PSMD5: variants seen among roughly 807,000 people sequenced by gnomAD.
PSMD5 encodes the protein 26S proteasome non-ATPase regulatory subunit 5.
PSMD5 carries 40 observed loss-of-function variants against 52.1 expected under a neutral mutation model. The ratio of observed to expected loss-of-function variants is 0.77; its 90% CI spans 0.60 to 1.00. PSMD5 has a LOEUF of 1.00. Among genes scored for constraint, PSMD5 ranks in the 50% least tolerant of loss-of-function variants. The probability of loss-of-function intolerance (pLI) is 0.00; values close to 1 mark genes in which losing one functional copy is unlikely to be tolerated. For missense variants in PSMD5, 575 were observed against 605.2 expected (o/e 0.95, Z 0.52); for synonymous variants, 211 against 226.6 (o/e 0.93, Z 0.62).
intron 6 of PSMD5, among the ~76,000 whole-genome samples, chr9:120,825,654 A>G (rs1284789793): frequency 1.3e-5 from 2 of 152,216 alleles, no homozygotes; most frequent in African/African-American, 4.8e-5. Flanking sequence ...ATTTATTCAT[A>G]AATATTTAAT....
At chr9:120,820,728 A>G (rs1041669340) in intron 9 of PSMD5, 111 bp downstream of exon 9, 1 of 1,091,484 alleles carries the variant, frequency 9.2e-7, no homozygotes, top group African/African-American at 1.6e-5. Flanking sequence ...GGTAGAAACT[A>G]TACTATGCAC....
chr9:120,833,533 T>G, intron 1 of PSMD5, 77 bp from the exon 2 acceptor site: 6 of 1,421,764 alleles, frequency 4.2e-6, no homozygotes, highest in Non-Finnish European at 5.8e-6. Flanking sequence ...TAGCTGAAGC[T>G]TGCGTCAGCG....
chr9:120,817,948 A>C lies in PSMD5; in HGVS notation c.1473T>G (p.Tyr491Ter). ...CTGCTGTCGTGGAAACAGGTTTCAC[A>C]TAGTATGGCCCTTCACTCAGGTAAG... is the stretch of plus-strand genomic sequence containing the variant. ...LRTYLSEGPY[Y>*]VKPVSTTAVE... The change falls in exon 10 of 10, where the codon TAT becomes TAG. Residue 491 changes from tyrosine (Y) to a stop codon, truncating the protein, a stop_gained. Coordinates refer to ENST00000210313, the MANE Select transcript of PSMD5 (RefSeq NM_005047.4). LOFTEE classifies it high-confidence loss of function. 6.2e-7 allele frequency: 1 copy of C among 1,614,152 alleles called. No individual in the cohort carries two copies. The highest frequency in any genetic ancestry group is 8.5e-7 in the Non-Finnish European group (1 of 1,179,968).
chr9:120,829,098 C>T lies in PSMD5; in HGVS notation c.671+1G>A, dbSNP rs781704910. 6 of 1,579,328 alleles carry T rather than the reference C, an allele frequency of 3.8e-6. No homozygotes were observed. In the Admixed American group the frequency reaches 1.1e-4, roughly 29 times the overall value. ...TCACTTTAAGAACTCAGTCAACACA[C>T]CTGACCAACACATCCTCACCAGTCA... On this transcript the variant is annotated splice_donor_variant, in intron 5 of 9. Transcript: ENST00000210313. LOFTEE classifies it high-confidence loss of function.
chr9:120,838,619 A>C (rs932270291), intron 1 of PSMD5, among the ~76,000 whole-genome samples: 4 of 152,186 alleles, frequency 2.6e-5, no homozygotes, highest in Admixed American at 6.5e-5. Context: ...CCAGTTCTGA[A>C]TTATTCTGTC....
At chr9:120,835,661 G>T (rs140870148) in intron 1 of PSMD5, among the ~76,000 whole-genome samples, 5,418 of 151,984 alleles carry the variant, frequency 0.036, 347 homozygotes, top group African/African-American at 0.12. Context: ...CCCAGGAGGC[G>T]GCAGTTGCAG....
At chr9:120,831,520 A>C (rs1247480382) in intron 3 of PSMD5, 61 bp from the exon 4 acceptor site, 1 of 1,506,878 alleles carries the variant, frequency 6.6e-7, no homozygotes, top group African/African-American at 1.4e-5. Context: ...CTACTTCATA[A>C]GAGTGATGTA....
Position 120,826,823 on chromosome 9 carries a change from T to C in PSMD5, c.756A>G (p.Gln252=), listed in dbSNP as rs2045125460. ...QYLAQEGVID[Q]ISNIIVGADS... ...CTGCCCCAACAATTATATTAGAAAT[T>C]TGGTCAATTACTCCTTCTTGAGCAA... Residue 252 remains glutamine, a synonymous_variant, in exon 6 of 10, where the codon CAA becomes CAG. Transcript: ENST00000210313. The C allele has an allele frequency of 2.5e-6, 4 of 1,613,700 alleles. No homozygotes were observed. In the South Asian group the frequency reaches 4.4e-5, roughly 18 times the overall value.
At chr9:120,837,812 G>A (rs2045208541) in intron 1 of PSMD5, among the ~76,000 whole-genome samples, 2 of 152,092 alleles carry the variant, frequency 1.3e-5, no homozygotes, top group South Asian at 4.1e-4. Context: ...AATGCTCACG[G>A]CACTGTCATT....
chr9:120,832,393 C>CTTT (rs35785525), intron 2 of PSMD5, among the ~76,000 whole-genome samples: 81 of 126,898 alleles, frequency 6.4e-4, no homozygotes, highest in Non-Finnish European at 8.5e-4. Context: ...TTCCCCCAAC[C>CTTT]TTTTTTTTTT....
At chr9:120,831,972 C>A (rs766875502) in intron 2 of PSMD5, 27 bp from the exon 3 acceptor site, 2 of 1,605,756 alleles carry the variant, frequency 1.2e-6, no homozygotes, top group Admixed American at 1.7e-5. Context: ...CAGAAACACT[C>A]TTCTAAAGTA....
Position 120,842,858 on chromosome 9 carries a change from G to GCGCTTCCAGCCT in PSMD5, c.40_51dup (p.Arg14_Ala17dup). 9 of 1,605,158 alleles carry GCGCTTCCAGCCT rather than the reference G, an allele frequency of 5.6e-6. No homozygotes were observed. Among genetic ancestry groups the GCGCTTCCAGCCT allele is most frequent in the Non-Finnish European group, 7.6e-6 (9 of 1,178,436 alleles). On this transcript the variant is annotated inframe_insertion, in exon 1 of 10. Coordinates refer to ENST00000210313, the MANE Select transcript of PSMD5 (RefSeq NM_005047.4). ...TGAAGCGCGCGTAGCTCCTCCAGCG[G>GCGCTTCCAGCCT]CGCTTCCAGCCTCGCTACCTCTCTC...
Position 120,833,251 on chromosome 9 carries a change from C to A in PSMD5, c.318+61G>T, listed in dbSNP as rs2045173350. 2.0e-6 allele frequency: 3 copies of A among 1,534,504 alleles called. No homozygotes were observed. The East Asian group carries it at 6.8e-5, about 35-fold the overall frequency. Reference sequence around the variant, plus strand: ...TACTGTGCTTTCTTCATCTTTCTGTCCCAGTGCAGAACCTGGCCCAGAGCA... The same window carrying A: ...TACTGTGCTTTCTTCATCTTTCTGTACCAGTGCAGAACCTGGCCCAGAGCA... On this transcript the variant is annotated intron_variant, in intron 2 of 9. Coordinates refer to ENST00000210313, the MANE Select transcript of PSMD5 (RefSeq NM_005047.4).
rs1448122907 is a variant in PSMD5, at chr9:120,839,990, T to G, written c.173+2747A>C. ...ACAAAAAATTAGCTGGGCGTTGTGG[T>G]GGTGGCACGTGCCTATAGTCCCAGC... is the stretch of plus-strand genomic sequence containing the variant. On this transcript the variant is annotated intron_variant, in intron 1 of 9. Coordinates refer to ENST00000210313, the MANE Select transcript of PSMD5 (RefSeq NM_005047.4). Among the ~76,000 whole-genome samples the G allele has an allele frequency of 2.6e-5, 4 of 151,068 alleles. No individual in the cohort carries two copies. In the East Asian group the frequency reaches 7.8e-4, roughly 29 times the overall value.
chr9:120,825,378 T>C (rs1252962253), intron 6 of PSMD5, among the ~76,000 whole-genome samples: 2 of 152,158 alleles, frequency 1.3e-5, no homozygotes. Context: ...TGACAAAAAA[T>C]CATATATCTT....
intron 7 of PSMD5, 152 bp downstream of exon 7, chr9:120,824,342 G>C: frequency 1.5e-6 from 1 of 654,484 alleles, no homozygotes; most frequent in Non-Finnish European, 2.7e-6. Context: ...ATAATTATTA[G>C]ATTTTCAGAC....
Position 120,824,670 on chromosome 9 carries a change from A to G in PSMD5, c.830T>C (p.Phe277Ser). 1 of 1,598,206 alleles carries G rather than the reference A, an allele frequency of 6.3e-7. No individual in the cohort carries two copies. Among genetic ancestry groups the G allele is most frequent in the Non-Finnish European group, 8.5e-7 (1 of 1,174,960 alleles). ...ACTATCCATGACAGCCAGGTTTCCA[A>G]AAAACTTCACGAATCCTAAAGAGAT... ...SFYLPGFVKF[F>S]GNLAVMDSPQ... Residue 277 changes from phenylalanine to serine, a missense_variant, in exon 7 of 10, where the codon TTT becomes TCT. Physicochemically the swap from Phe to Ser is radical, Grantham distance 155. Transcript: ENST00000210313.
At chr9:120,839,918 C>A (rs1461942321) in intron 1 of PSMD5, among the ~76,000 whole-genome samples, 4 of 147,236 alleles carry the variant, frequency 2.7e-5, no homozygotes, top group Non-Finnish European at 5.9e-5. Context: ...GTCAGGAGTT[C>A]GACACCAGCC....
rs1384908979 is a variant in PSMD5 at position 120,829,181 on chromosome 9, G to C, written c.589C>G (p.Pro197Ala). 2.5e-6 allele frequency: 4 copies of C among 1,600,214 alleles called. No homozygotes were observed. The South Asian group carries it at 4.5e-5, about 18-fold the overall frequency. ...GTGGTACAGTAGTTTAAAGATTCTG[G>C]TGACACGGAAGAAATCTCTATAATT... Reference protein sequence around the residue: ...ELIIEISSVSPESLNYCTTSG... With the variant: ...ELIIEISSVSAESLNYCTTSG... The change falls in exon 5 of 10, where the codon CCA becomes GCA. Residue 197 changes from proline to alanine, a missense_variant. Coordinates refer to ENST00000210313, the MANE Select transcript of PSMD5 (RefSeq NM_005047.4).
Sources: allele counts gnomAD v4.1 joint callset (sites outside exome capture counted in the v4.1 genomes callset), GRCh38; gene constraint gnomAD v4.1.1; transcripts MANE v1.5; gene names NCBI Gene and HGNC (gene_info 2026-07-23, HGNC 2026-07-21).